IPPK: variants seen among roughly 807,000 people sequenced by gnomAD.
IPPK encodes the protein IPK1 homolog.
A neutral mutation model predicts 64.6 loss-of-function variants in IPPK; 22 were observed. The observed-to-expected ratio is 0.34, with a 90% CI of 0.24 to 0.49. IPPK has a LOEUF of 0.49. IPPK is among the 20% of genes least tolerant of loss of function. The probability of loss-of-function intolerance (pLI) is 0.99; values close to 1 mark genes in which losing one functional copy is unlikely to be tolerated. For synonymous variants in IPPK, 262 were observed against 247.2 expected (o/e 1.06, Z -0.56); for missense variants, 532 against 630.7 (o/e 0.84, Z 1.68).
intron 11 of IPPK, among the ~76,000 whole-genome samples, chr9:92,621,304 A>G (rs72754501): frequency 0.04 from 6,062 of 152,184 alleles, 190 homozygotes; most frequent in South Asian, 0.11. Context: ...GCATACTTCA[A>G]ATCCTATAAA....
intron 1 of IPPK, among the ~76,000 whole-genome samples, chr9:92,662,332 C>A: frequency 6.6e-6 from 1 of 152,070 alleles, no homozygotes; most frequent in East Asian, 1.9e-4. Context: ...TCGAGACCAG[C>A]CCGACCAACA....
chr9:92,661,178 A>G (rs72756438), intron 1 of IPPK, among the ~76,000 whole-genome samples: 6,042 of 152,272 alleles, frequency 0.04, 184 homozygotes, highest in South Asian at 0.11. Flanking sequence ...TTACAGAAAT[A>G]TGGGAAGTGA....
chr9:92,667,583 A>C (rs369104007), intron 1 of IPPK, among the ~76,000 whole-genome samples: 38 of 152,284 alleles, frequency 2.5e-4, no homozygotes, highest in East Asian at 2.1e-3. Context: ...TAAAAACAAC[A>C]ACCAAGCAGG....
At chr9:92,646,773 T>C (rs549670437) in intron 6 of IPPK, among the ~76,000 whole-genome samples, 36 of 152,086 alleles carry the variant, frequency 2.4e-4, no homozygotes, top group Non-Finnish European at 4.3e-4. Context: ...CTGACTAACA[T>C]GGTGAAACCC....
chr9:92,625,576 G>A lies in IPPK; in HGVS notation c.1171-6011C>T, dbSNP rs184310504. 1.8e-3 allele frequency among the ~76,000 whole-genome samples: 275 copies of A among 152,234 alleles called. 1 individual carries two copies. The highest frequency in any genetic ancestry group is 2.4e-3 in the Non-Finnish European group (165 of 68,014). ...GATCCCTGAAACCGCTCCTTTTAAC[G>A]TGTTGTTGGGCTTGCATAAGGTAAG... On this transcript the variant is annotated intron_variant, in intron 11 of 12. Coordinates refer to ENST00000287996, the MANE Select transcript of IPPK (RefSeq NM_022755.6).
chr9:92,656,461 A>G lies in IPPK; in HGVS notation c.220T>C (p.Tyr74His), dbSNP rs369189658. 6.0e-5 allele frequency: 97 copies of G among 1,603,896 alleles called. No individual in the cohort carries two copies. In the East Asian group the frequency reaches 1.8e-3, roughly 30 times the overall value. Residue 74 changes from tyrosine (Y) to histidine (H), a missense_variant, in exon 3 of 13, where the codon TAT becomes CAT. Coordinates refer to ENST00000287996, the MANE Select transcript of IPPK (RefSeq NM_022755.6). The stretch of plus-strand genomic sequence containing the variant: ...TGTGAATAAAAAGCACTTACCCCAT[A>G]ATGAACATAGTTCTCCCCCAAAAAC... ...KEFLGENYVH[Y>H]GEVVQLPLEF... is the part of the protein sequence containing the mutation.
intron 7 of IPPK, among the ~76,000 whole-genome samples, chr9:92,641,831 G>T (rs1300133702): frequency 2.0e-5 from 3 of 152,208 alleles, no homozygotes; most frequent in Admixed American, 2.0e-4. Flanking sequence ...GAAGAAAGAG[G>T]AAAGAAACTC....
At position 92,653,968 on chromosome 9, in the gene IPPK, G is replaced by T. The variant is rs62574676; in HGVS notation, c.226-1329C>A. Among the ~76,000 whole-genome samples, 941 of 152,322 alleles carry T rather than the reference G, an allele frequency of 6.2e-3. 5 individuals carry two copies. The highest frequency in any genetic ancestry group is 9.0e-3 in the Non-Finnish European group (609 of 68,024). ...CGCATGCCGACTCTGGATGCCTCGC[G>T]TGTGAGAACCATCGCCCAAAACCAC... On this transcript the variant is annotated intron_variant, in intron 3 of 12. Transcript: ENST00000287996.
At chr9:92,631,783 G>A (rs1302838101) in intron 11 of IPPK, among the ~76,000 whole-genome samples, 1 of 152,202 alleles carries the variant, frequency 6.6e-6, no homozygotes, top group Non-Finnish European at 1.5e-5. Context: ...GAGTGTGTAT[G>A]AGAGTGTGTG....
chr9:92,660,559 G>C (rs562261231), intron 1 of IPPK, among the ~76,000 whole-genome samples: 36 of 152,334 alleles, frequency 2.4e-4, no homozygotes, highest in South Asian at 6.2e-4. Context: ...AAGCAGTCCT[G>C]ATCAGGGTGA....
intron 6 of IPPK, among the ~76,000 whole-genome samples, chr9:92,643,303 A>T (rs113901735): frequency 5.9e-5 from 9 of 152,364 alleles, no homozygotes; most frequent in African/African-American, 1.4e-4. Flanking sequence ...AACCTAGAAG[A>T]AGTAGCACAG....
intron 12 of IPPK, chr9:92,618,953 G>A (rs1182894422): frequency 2.6e-5 from 7 of 273,284 alleles, no homozygotes; most frequent in South Asian, 1.6e-4. Context: ...GTTTCATCCC[G>A]AATTCCCAGA....
At chr9:92,644,255 T>C (rs1303704626) in intron 6 of IPPK, among the ~76,000 whole-genome samples, 71 of 152,178 alleles carry the variant, frequency 4.7e-4, no homozygotes, top group Admixed American at 4.6e-3. Flanking sequence ...CAGGAAGCAT[T>C]TATTCAAGAA....
chr9:92,669,875 G>A (rs376764677), intron 1 of IPPK, 33 bp downstream of exon 1: 317 of 1,552,200 alleles, frequency 2.0e-4, no homozygotes, highest in Middle Eastern at 3.3e-4. Flanking sequence ...TCGGAGTGAG[G>A]TACCGGACCT....
At chr9:92,656,687 A>G (rs1852380204) in intron 2 of IPPK, 136 bp from the exon 3 acceptor site, 1 of 631,658 alleles carries the variant, frequency 1.6e-6, no homozygotes, top group South Asian at 1.8e-5. Flanking sequence ...AACCCGGGTG[A>G]CAGCCCTCAG....
intron 5 of IPPK, among the ~76,000 whole-genome samples, chr9:92,648,543 G>T (rs1213124785): frequency 2.0e-5 from 3 of 152,210 alleles, no homozygotes; most frequent in African/African-American, 7.2e-5. Context: ...CCCGACAGAG[G>T]CCCATCTGAT....
At chr9:92,662,986 G>C (rs980546582) in intron 1 of IPPK, among the ~76,000 whole-genome samples, 2 of 152,150 alleles carry the variant, frequency 1.3e-5, no homozygotes, top group Admixed American at 6.5e-5. Flanking sequence ...GAAGACTTTC[G>C]GCAAAGCCCA....
At chr9:92,620,856 A>AAACTC (rs1266705646) in intron 11 of IPPK, among the ~76,000 whole-genome samples, 3 of 152,192 alleles carry the variant, frequency 2.0e-5, no homozygotes, top group African/African-American at 7.2e-5. Flanking sequence ...TTAGGAAACT[A>AAACTC]AACTCTTGGT....
intron 6 of IPPK, among the ~76,000 whole-genome samples, chr9:92,647,142 C>T (rs1161455854): frequency 6.6e-6 from 1 of 152,176 alleles, no homozygotes; most frequent in East Asian, 1.9e-4. Flanking sequence ...GGGGACACTA[C>T]TACTGACCTG....
Sources: gnomAD v4.1 joint callset for allele counts (sites outside exome capture counted in the v4.1 genomes callset) on GRCh38, gnomAD v4.1.1 for gene constraint, MANE v1.5 for transcripts, NCBI Gene and HGNC (gene_info 2026-07-23, HGNC 2026-07-21) for gene names.